ADK: variants seen among roughly 807,000 people sequenced by gnomAD.
The protein encoded by ADK is N6,N6-dimethyladenosine kinase.
A neutral mutation model predicts 44.7 loss-of-function variants in ADK; 24 were observed. The ratio of observed to expected loss-of-function variants is 0.54; its 90% CI spans 0.39 to 0.76. ADK has a LOEUF of 0.76. Ranked by LOEUF, ADK falls within the 30% of genes least tolerant of loss-of-function variation. ADK has a pLI of 0.00. For synonymous variants in ADK, 128 were observed against 142.6 expected, an observed-to-expected ratio of 0.90 and a Z score of 0.73; for missense variants, 321 against 425.1, an observed-to-expected ratio of 0.76 and a Z score of 2.15.
intron 9 of ADK, among the ~76,000 whole-genome samples, chr10:74,652,371 TAGC>T (rs1163712472): frequency 6.6e-6 from 1 of 151,958 alleles, no homozygotes; most frequent in African/African-American, 2.4e-5. Flanking sequence ...AAAATATTCA[TAGC>T]AGCATTACCC....
At chr10:74,369,168 A>G (rs1330936264) in intron 4 of ADK, among the ~76,000 whole-genome samples, 2 of 152,108 alleles carry the variant, frequency 1.3e-5, no homozygotes, top group Non-Finnish European at 1.5e-5. Flanking sequence ...ACCAGCCAAG[A>G]CAACATGGCA....
At chr10:74,250,892 G>A (rs12414489) in intron 3 of ADK, among the ~76,000 whole-genome samples, 2,736 of 152,098 alleles carry the variant, frequency 0.018, 44 homozygotes, top group Non-Finnish European at 0.026. Context: ...CACCATGGCT[G>A]GCCAATTTTT....
chr10:74,424,635 C>T (rs1210831987), intron 6 of ADK, among the ~76,000 whole-genome samples: 2 of 149,526 alleles, frequency 1.3e-5, no homozygotes, highest in African/African-American at 4.9e-5. Flanking sequence ...TATTCACATG[C>T]TTTTCTTTAT....
At chr10:74,358,638 T>G (rs769368465) in intron 4 of ADK, among the ~76,000 whole-genome samples, 2 of 152,214 alleles carry the variant, frequency 1.3e-5, no homozygotes, top group Non-Finnish European at 2.9e-5. Context: ...ACAAAACTTT[T>G]CATCCTCAGA....
At chr10:74,176,588 C>T in intron 1 of ADK, 1 of 1,367,388 alleles carries the variant, frequency 7.3e-7, no homozygotes, top group Non-Finnish European at 9.4e-7. Context: ...GCCCGCTAGT[C>T]ATCTCGCTAG....
At chr10:74,532,475 CAAA>C (rs34947578) in intron 7 of ADK, among the ~76,000 whole-genome samples, 9 of 125,098 alleles carry the variant, frequency 7.2e-5, no homozygotes, top group Non-Finnish European at 8.1e-5. Flanking sequence ...GAAACTGTGT[CAAA>C]AAAAAAAAAA....
intron 3 of ADK, among the ~76,000 whole-genome samples, chr10:74,303,595 T>G (rs1430088694): frequency 7.6e-6 from 1 of 131,632 alleles, no homozygotes; most frequent in African/African-American, 2.9e-5. Context: ...GTTGTTTTTT[T>G]TTTTTTTTTT....
intron 7 of ADK, among the ~76,000 whole-genome samples, chr10:74,565,727 C>CA (rs398014155): frequency 0.34 from 21,088 of 62,716 alleles, 3,717 homozygotes; most frequent in East Asian, 0.62. Flanking sequence ...AACTCCGTCT[C>CA]AAAAAAAAAA....
chr10:74,291,033 A>C (rs1272710147), intron 3 of ADK, among the ~76,000 whole-genome samples: 3 of 152,196 alleles, frequency 2.0e-5, no homozygotes, highest in African/African-American at 7.2e-5. Flanking sequence ...AAAATGGAAA[A>C]TGTTTTGTAA....
At position 74,670,276 on chromosome 10, in the gene ADK, AC is replaced by A; in HGVS notation, c.964+8del. On this transcript the variant is annotated splice_region_variant and intron_variant, in intron 10 of 10. Transcript: ENST00000539909. ...GGAGATGCATTTGTTGGAGGTACAG[AC>A]TAATTTATTTCATTCTTACTTACAA... 6.2e-7 allele frequency: 1 copy of A among 1,605,328 alleles called. No individual in the cohort carries two copies.
intron 10 of ADK, among the ~76,000 whole-genome samples, chr10:74,685,537 A>C (rs1262587287): frequency 6.6e-6 from 1 of 152,246 alleles, no homozygotes; most frequent in Non-Finnish European, 1.5e-5. Context: ...TTGTTGCATA[A>C]GAGGGCACCT....
Position 74,554,977 on chromosome 10 carries a change from T to C in ADK, c.726+29551T>C, listed in dbSNP as rs535330343. Among the ~76,000 whole-genome samples, 7 of 152,250 alleles carry C rather than the reference T, an allele frequency of 4.6e-5. No homozygotes were observed. In the South Asian group the frequency reaches 1.5e-3, roughly 32 times the overall value. ...CAGGTTTAAGATATAATGTGAAATT[T>C]GGAATAGATTTTAACTTTTAAAAAA... On this transcript the variant is annotated intron_variant, in intron 7 of 10. Coordinates refer to ENST00000539909, the MANE Select transcript of ADK (RefSeq NM_006721.4).
chr10:74,465,392 A>G (rs1440256137), intron 6 of ADK, among the ~76,000 whole-genome samples: 1 of 152,200 alleles, frequency 6.6e-6, no homozygotes, highest in African/African-American at 2.4e-5. Context: ...ATAAGACTTT[A>G]TAGGTCATTA....
chr10:74,286,944 C>G (rs1381107079), intron 3 of ADK, among the ~76,000 whole-genome samples: 2 of 152,150 alleles, frequency 1.3e-5, no homozygotes, highest in Admixed American at 1.3e-4. Context: ...ACCTCAGCCT[C>G]TTAAAGTTCT....
chr10:74,687,967 C>A (rs923678423), intron 10 of ADK, among the ~76,000 whole-genome samples: 1 of 152,226 alleles, frequency 6.6e-6, no homozygotes, highest in Non-Finnish European at 1.5e-5. Flanking sequence ...CTGCTTACAA[C>A]CTTTCCGTTG....
At chr10:74,478,417 G>A (rs560759278) in intron 6 of ADK, among the ~76,000 whole-genome samples, 8 of 152,132 alleles carry the variant, frequency 5.3e-5, no homozygotes, top group Non-Finnish European at 1.0e-4. Context: ...AGAGATGAGT[G>A]TCAGTCTGTT....
At chr10:74,403,958 G>A (rs919210525) in intron 6 of ADK, among the ~76,000 whole-genome samples, 13 of 152,076 alleles carry the variant, frequency 8.5e-5, no homozygotes, top group African/African-American at 2.2e-4. Context: ...TGCAACCTCC[G>A]CCTCCTGGGT....
intron 6 of ADK, among the ~76,000 whole-genome samples, chr10:74,469,046 T>C (rs891030221): frequency 5.9e-5 from 9 of 152,088 alleles, no homozygotes; most frequent in Admixed American, 2.6e-4. Flanking sequence ...TCATAAAATT[T>C]CCCACTTTAG....
chr10:74,344,634 C>T, intron 4 of ADK: 1 of 226,310 alleles, frequency 4.4e-6, no homozygotes, highest in Non-Finnish European at 9.4e-6. Flanking sequence ...TTCTTTTTGT[C>T]ATTTAAAAAT....
Sources: gnomAD v4.1 joint callset for allele counts (sites outside exome capture counted in the v4.1 genomes callset) on GRCh38, gnomAD v4.1.1 for gene constraint, MANE v1.5 for transcripts, NCBI Gene and HGNC (gene_info 2026-07-23, HGNC 2026-07-21) for gene names.